NFIB: variants seen among roughly 807,000 people sequenced by gnomAD.
NFIB encodes the protein nuclear factor 1 B-type.
A neutral mutation model predicts 61.5 loss-of-function variants in NFIB; 11 were observed. The observed-to-expected ratio is 0.18, with a 90% CI of 0.11 to 0.30. NFIB has a LOEUF of 0.30. NFIB is among the 10% of genes least tolerant of loss of function. NFIB has a pLI of 1.00. For missense variants in NFIB, 471 were observed against 608.9 expected (o/e 0.77, Z 2.38); for synonymous variants, 260 against 216.5 (o/e 1.20, Z -1.76).
chr9:14,234,165 AG>A (rs1359995710), intron 2 of NFIB, among the ~76,000 whole-genome samples: 1 of 152,180 alleles, frequency 6.6e-6, no homozygotes, highest in African/African-American at 2.4e-5. Context: ...AAAATGTCAG[AG>A]GATTACTCTC....
intron 1 of NFIB, among the ~76,000 whole-genome samples, chr9:14,328,239 A>G (rs1014809451): frequency 3.9e-5 from 6 of 152,114 alleles, no homozygotes; most frequent in African/African-American, 1.2e-4. Context: ...TGACCTCCAG[A>G]CCCAAGGGAT....
chr9:14,479,456 C>A, the NFIB span, among the ~76,000 whole-genome samples: 1 of 152,224 alleles, frequency 6.6e-6, no homozygotes, highest in African/African-American at 2.4e-5. Context: ...TTGCTTCTGA[C>A]AATCTGTCCA....
intron 2 of NFIB, among the ~76,000 whole-genome samples, chr9:14,297,988 A>G (rs937382392): frequency 6.6e-6 from 1 of 152,154 alleles, no homozygotes; most frequent in African/African-American, 2.4e-5. Context: ...GAAAAAAAAC[A>G]ATTTTTATAT....
At chr9:14,249,463 T>C (rs1024231640) in intron 2 of NFIB, among the ~76,000 whole-genome samples, 2 of 152,196 alleles carry the variant, frequency 1.3e-5, no homozygotes, top group Non-Finnish European at 2.9e-5. Context: ...TTCACCACAA[T>C]TGTTCATTCT....
chr9:14,317,664 G>C (rs1047776855), upstream of NFIB, among the ~76,000 whole-genome samples: 2 of 152,190 alleles, frequency 1.3e-5, no homozygotes, highest in African/African-American at 4.8e-5. Flanking sequence ...GTGGAGAATG[G>C]CTGACACCCC....
At chr9:14,168,250 G>T (rs1223536092) in intron 3 of NFIB, among the ~76,000 whole-genome samples, 2 of 152,190 alleles carry the variant, frequency 1.3e-5, no homozygotes, top group Admixed American at 6.5e-5. Flanking sequence ...TTGTCTGTAG[G>T]TAGGCATTGC....
chr9:14,266,717 T>A (rs895161280), intron 2 of NFIB, among the ~76,000 whole-genome samples: 9 of 152,126 alleles, frequency 5.9e-5, no homozygotes, highest in Non-Finnish European at 1.3e-4. Flanking sequence ...GCAGTCATCT[T>A]CCCCTCCTCC....
At chr9:14,443,562 C>T in the NFIB span, among the ~76,000 whole-genome samples, 2 of 152,312 alleles carry the variant, frequency 1.3e-5, no homozygotes, top group Admixed American at 1.3e-4. Context: ...AGCCATGCTT[C>T]TCCATTCCAT....
intron 3 of NFIB, among the ~76,000 whole-genome samples, chr9:14,158,029 T>G (rs986313763): frequency 6.7e-6 from 1 of 149,818 alleles, no homozygotes; most frequent in Non-Finnish European, 1.5e-5. Flanking sequence ...GAGAATCACT[T>G]GAACCCGGAA....
At chr9:14,204,258 G>A (rs2049375139) in intron 2 of NFIB, 2 of 630,572 alleles carry the variant, frequency 3.2e-6, no homozygotes, top group East Asian at 5.4e-5. Flanking sequence ...ATGTGGAAAG[G>A]AAAGAAGGCC....
At chr9:14,527,609 G>T in the NFIB span, among the ~76,000 whole-genome samples, 2 of 152,144 alleles carry the variant, frequency 1.3e-5, 1 homozygote, top group Admixed American at 1.3e-4. Flanking sequence ...TGGGGCGATA[G>T]GATTGGTCTC....
the NFIB span, among the ~76,000 whole-genome samples, chr9:14,419,406 G>A: frequency 6.6e-6 from 1 of 151,814 alleles, no homozygotes; most frequent in African/African-American, 2.4e-5. Context: ...TCCAACCCCT[G>A]GAAACAGGAT....
chr9:14,420,962 T>C, the NFIB span, among the ~76,000 whole-genome samples: 1 of 152,096 alleles, frequency 6.6e-6, no homozygotes, highest in Non-Finnish European at 1.5e-5. Flanking sequence ...ATTTTTTTTT[T>C]CGTTTTTAAA....
At chr9:14,391,124 A>G (rs2061614463) in intron 1 of NFIB, among the ~76,000 whole-genome samples, 1 of 152,206 alleles carries the variant, frequency 6.6e-6, no homozygotes, top group Non-Finnish European at 1.5e-5. Context: ...TTTTCTTTTA[A>G]AGAGTAAAGT....
chr9:14,459,026 C>T, the NFIB span, among the ~76,000 whole-genome samples: 2 of 152,098 alleles, frequency 1.3e-5, no homozygotes. Flanking sequence ...CTTTAAAGTT[C>T]ATATGGAACC....
the NFIB span, among the ~76,000 whole-genome samples, chr9:14,473,123 C>A: frequency 6.6e-6 from 1 of 152,196 alleles, no homozygotes; most frequent in Admixed American, 6.5e-5. Context: ...AAGGAATGGA[C>A]ACTTCTTAGC....
At chr9:14,324,430 C>A (rs2060728626) in intron 1 of NFIB, among the ~76,000 whole-genome samples, 1 of 152,144 alleles carries the variant, frequency 6.6e-6, no homozygotes. Flanking sequence ...TTATCAAATA[C>A]TAAAACTTTT....
the NFIB span, among the ~76,000 whole-genome samples, chr9:14,418,258 C>T: frequency 6.6e-6 from 1 of 152,210 alleles, no homozygotes; most frequent in East Asian, 1.9e-4. Context: ...CTGCTTCCTC[C>T]TTTGAGCAGC....
At chr9:14,125,029 T>C (rs7020953) in intron 7 of NFIB, among the ~76,000 whole-genome samples, 151,748 of 152,344 alleles carry the variant, frequency 1, 75,582 homozygotes, top group Middle Eastern at 1. Flanking sequence ...ATATCAGGAC[T>C]AATCCTGAAG....
Sources: gnomAD v4.1 joint callset for allele counts (sites outside exome capture counted in the v4.1 genomes callset) on GRCh38, gnomAD v4.1.1 for gene constraint, MANE v1.5 for transcripts, NCBI Gene and HGNC (gene_info 2026-07-23, HGNC 2026-07-21) for gene names.